Variants in HIP1 observed in about 807,000 individuals in gnomAD.
The protein encoded by HIP1 is huntingtin-interacting protein 1.
Under a neutral mutation model 147.6 loss-of-function variants are expected in HIP1, and 65 were observed. The ratio of observed to expected loss-of-function variants is 0.44; its 90% CI spans 0.36 to 0.54. The LOEUF is 0.54. Among genes scored for constraint, HIP1 ranks in the 20% least tolerant of loss-of-function variants. The probability of loss-of-function intolerance (pLI) is 0.00; values close to 1 mark genes in which losing one functional copy is unlikely to be tolerated. For missense variants in HIP1, 1,061 were observed against 1,299.6 expected, an observed-to-expected ratio of 0.82 and a Z score of 2.82; for synonymous variants, 479 against 504.0, an observed-to-expected ratio of 0.95 and a Z score of 0.67.
Position 75,553,479 on chromosome 7 carries a change from G to C in HIP1, c.2269C>G (p.Leu757Val). The change falls in exon 22 of 31, where the codon CTG (leucine) becomes GTG (valine). Residue 757 changes from leucine to valine, a missense_variant. Around this residue, in one of 3 missense-constraint regions of HIP1, gnomAD observed 810 missense variants for 946.8 expected, o/e 0.86. Transcript: ENST00000336926. Reference protein sequence around the residue: ...NADSTAMRNCLSKIKAIGEEL... With the variant: ...NADSTAMRNCVSKIKAIGEEL... Reference sequence around the variant, plus strand: ...TCGCCGATGGCCTTGATCTTGCTCAGGCAGTTCCTCATGGCTGTGCTGTCG... The same window carrying C: ...TCGCCGATGGCCTTGATCTTGCTCACGCAGTTCCTCATGGCTGTGCTGTCG... 6.2e-7 allele frequency: 1 copy of C among 1,614,136 alleles called. No homozygotes were observed. Among genetic ancestry groups the C allele is most frequent in the East Asian group, 2.2e-5 (1 of 44,882 alleles).
chr7:75,562,962 G>T lies in HIP1; in HGVS notation c.993C>A (p.Asp331Glu), dbSNP rs1795281454. 6.2e-7 allele frequency: 1 copy of T among 1,614,186 alleles called. No homozygotes were observed. Among genetic ancestry groups the T allele is most frequent in the Admixed American group, 1.7e-5 (1 of 60,008 alleles). Residue 331 changes from aspartate to glutamate, a missense_variant, in exon 11 of 31, where the codon GAC (aspartate) becomes GAA (glutamate). Around this residue, in one of 3 missense-constraint regions of HIP1, gnomAD observed 810 missense variants for 946.8 expected, o/e 0.86. Transcript: ENST00000336926. ...PDSEPVLEKD[D>E]LMDMDASQQN... is the part of the protein sequence containing the mutation. ...GCTGAGAGGCATCCATGTCCATGAGGTCATCCTTCTCTAGGACTGGCTCGC... is the reference window on the plus strand; with the variant it reads ...GCTGAGAGGCATCCATGTCCATGAGTTCATCCTTCTCTAGGACTGGCTCGC...
chr7:75,604,767 G>A (rs781910843), intron 1 of HIP1, among the ~76,000 whole-genome samples: 68 of 152,182 alleles, frequency 4.5e-4, no homozygotes, highest in Non-Finnish European at 7.5e-4. Context: ...CATGATGGGT[G>A]AGATTTAGAT....
intron 30 of HIP1, 83 bp from the exon 31 acceptor site, chr7:75,538,307 G>T (rs1340032886): frequency 4.0e-6 from 4 of 997,064 alleles, no homozygotes; most frequent in Admixed American, 1.7e-5. Flanking sequence ...CACCATGGGG[G>T]CTCAAAAATA....
At chr7:75,544,891 G>A in intron 26 of HIP1, 91 bp from the exon 27 acceptor site, 1 of 891,604 alleles carries the variant, frequency 1.1e-6, no homozygotes, top group East Asian at 2.4e-5. Flanking sequence ...ATCGCCCTTG[G>A]CTAAACAGGG....
chr7:75,632,562 T>TC (rs1554509100), intron 1 of HIP1, among the ~76,000 whole-genome samples: 21 of 39,210 alleles, frequency 5.4e-4, no homozygotes, highest in African/African-American at 1.3e-3. Flanking sequence ...TAATTTTTTC[T>TC]TTTTTTTTTT....
intron 9 of HIP1, chr7:75,563,488 C>G (rs781999718): frequency 3.6e-6 from 2 of 552,744 alleles, no homozygotes; most frequent in Non-Finnish European, 6.4e-6. Flanking sequence ...TGCTACAAAT[C>G]CTTTGGAAGA....
intron 1 of HIP1, chr7:75,625,473 G>C (rs978876015): frequency 6.6e-6 from 1 of 152,370 alleles, no homozygotes; most frequent in Non-Finnish European, 1.5e-5. Flanking sequence ...ATTGGTGATG[G>C]CTGCCTGAAG....
chr7:75,589,411 G>A (rs1199973996), intron 4 of HIP1, among the ~76,000 whole-genome samples: 12 of 151,970 alleles, frequency 7.9e-5, no homozygotes, highest in Non-Finnish European at 1.5e-4. Context: ...GGGGCTGGGC[G>A]CGATGGCTGA....
rs1795493202 is a variant in HIP1, at chr7:75,568,429, A to G, written c.746-173T>C. 6.6e-6 allele frequency among the ~76,000 whole-genome samples: 1 copy of G among 152,210 alleles called. No homozygotes were observed. The highest frequency in any genetic ancestry group is 1.5e-5 in the Non-Finnish European group (1 of 68,036). On this transcript the variant is annotated intron_variant, in intron 8 of 30. Transcript: ENST00000336926. This position sits in a 1 kb window ranked among gnomAD's most constrained non-coding sequence, Gnocchi z 4.1. ...GGTCTGGTAACCAAGGGAGCCCAGC[A>G]GGAACCAGCAGGAGTGTGGAGACGC...
chr7:75,663,555 C>A (rs1205726416), intron 1 of HIP1, among the ~76,000 whole-genome samples: 3 of 151,876 alleles, frequency 2.0e-5, no homozygotes, highest in African/African-American at 7.3e-5. Flanking sequence ...AGGAGCAGAT[C>A]TGAGTTTTTG....
At chr7:75,719,348 C>CA (rs1360925309) in intron 1 of HIP1, among the ~76,000 whole-genome samples, 10 of 151,592 alleles carry the variant, frequency 6.6e-5, no homozygotes, top group Non-Finnish European at 1.5e-4. Flanking sequence ...ACTAAAAATA[C>CA]AAAAAATTAG....
chr7:75,615,757 C>T (rs587689967), intron 1 of HIP1, among the ~76,000 whole-genome samples: 1 of 149,662 alleles, frequency 6.7e-6, no homozygotes, highest in South Asian at 2.1e-4. Context: ...CTGGGTGACA[C>T]AGCGAGACTC....
At chr7:75,540,277 A>G (rs1315350953) in intron 29 of HIP1, among the ~76,000 whole-genome samples, 1 of 152,040 alleles carries the variant, frequency 6.6e-6, no homozygotes, top group Non-Finnish European at 1.5e-5. Flanking sequence ...AAAATATACA[A>G]AATTAGCCAG....
At chr7:75,643,050 C>A (rs1026500100) in intron 1 of HIP1, among the ~76,000 whole-genome samples, 1 of 152,176 alleles carries the variant, frequency 6.6e-6, no homozygotes, top group Non-Finnish European at 1.5e-5. Context: ...GTGAGGTGGG[C>A]GTGTCTTGGT....
intron 1 of HIP1, among the ~76,000 whole-genome samples, chr7:75,664,046 A>ACG (rs1554514117): frequency 1.2e-5 from 1 of 80,908 alleles, no homozygotes; most frequent in Non-Finnish European, 2.5e-5. Flanking sequence ...ATACACATAT[A>ACG]TGTGTATATA....
chr7:75,585,862 G>A (rs1796253067), intron 5 of HIP1, among the ~76,000 whole-genome samples: 1 of 151,808 alleles, frequency 6.6e-6, no homozygotes. Flanking sequence ...TTGCCCAGGC[G>A]GGAGGGCAGT....
chr7:75,647,473 C>A (rs985584286), intron 1 of HIP1, among the ~76,000 whole-genome samples: 1 of 152,168 alleles, frequency 6.6e-6, no homozygotes, highest in Non-Finnish European at 1.5e-5. Flanking sequence ...CTCTGTGAAT[C>A]TAGGAGTCTG....
chr7:75,626,870 C>T (rs948240922), intron 1 of HIP1: 1 of 145,376 alleles, frequency 6.9e-6, no homozygotes, highest in South Asian at 2.2e-4. Context: ...AAGGTTCAAC[C>T]TAGTGCATGC....
chr7:75,542,721 TA>T, intron 28 of HIP1, 129 bp downstream of exon 28: 2 of 936,008 alleles, frequency 2.1e-6, no homozygotes, highest in Non-Finnish European at 3.1e-6. Context: ...AAAGAAAAAA[TA>T]AAATAAAAAG....
Sources: allele counts gnomAD v4.1 joint callset (sites outside exome capture counted in the v4.1 genomes callset), GRCh38; gene constraint gnomAD v4.1.1; regional missense constraint gnomAD v4.1.1; non-coding constraint Gnocchi (gnomAD v3.1); transcripts MANE v1.5; gene names NCBI Gene and HGNC (gene_info 2026-07-23, HGNC 2026-07-21).